TBC1D22A: variants seen among roughly 807,000 people sequenced by gnomAD.
TBC1D22A encodes TBC1 domain family member 22A, also known as putative GTPase activator.
A neutral mutation model predicts 60.2 loss-of-function variants in TBC1D22A; 38 were observed. That is an observed-to-expected ratio of 0.63 (90% CI 0.49 to 0.83). TBC1D22A has a LOEUF of 0.83. Ranked by LOEUF, TBC1D22A falls within the 40% of genes least tolerant of loss-of-function variation. The pLI is 0.00. For missense variants in TBC1D22A, 628 were observed against 701.0 expected, an observed-to-expected ratio of 0.90 and a Z score of 1.18; for synonymous variants, 302 against 281.7, an observed-to-expected ratio of 1.07 and a Z score of -0.72.
chr22:46,792,390 C>T (rs2084451213), intron 1 of TBC1D22A, 130 bp from the exon 2 acceptor site: 15 of 1,286,718 alleles, frequency 1.2e-5, no homozygotes, highest in Non-Finnish European at 1.5e-5. Context: ...GGGGGGCCTG[C>T]GACAGCCCAT....
chr22:46,888,625 A>G (rs753153284), intron 5 of TBC1D22A, among the ~76,000 whole-genome samples: 26 of 152,242 alleles, frequency 1.7e-4, no homozygotes, highest in Non-Finnish European at 3.7e-4. Flanking sequence ...TCATGGGAGA[A>G]GTGACCACTG....
chr22:46,992,527 G>C (rs1337365595), intron 9 of TBC1D22A, among the ~76,000 whole-genome samples: 3 of 152,244 alleles, frequency 2.0e-5, no homozygotes, highest in Non-Finnish European at 4.4e-5. Context: ...CACATTCTAG[G>C]CACCGGCCGG....
intron 4 of TBC1D22A, among the ~76,000 whole-genome samples, chr22:46,848,147 C>A (rs1054670638): frequency 6.6e-6 from 1 of 152,204 alleles, no homozygotes; most frequent in Non-Finnish European, 1.5e-5. Flanking sequence ...TCATTAAGAG[C>A]GGCTTTAAAG....
At chr22:47,127,568 G>A (rs2066509895) in intron 12 of TBC1D22A, among the ~76,000 whole-genome samples, 1 of 152,048 alleles carries the variant, frequency 6.6e-6, no homozygotes, top group South Asian at 2.1e-4. Context: ...TTTCATTATT[G>A]CAGCGAGAGT....
intron 11 of TBC1D22A, among the ~76,000 whole-genome samples, chr22:47,061,156 T>C (rs936006202): frequency 6.7e-6 from 1 of 148,516 alleles, no homozygotes; most frequent in Non-Finnish European, 1.5e-5. Context: ...TCTTCCTCGG[T>C]GCCCTCACCA....
intron 9 of TBC1D22A, among the ~76,000 whole-genome samples, chr22:46,996,170 G>A (rs535779049): frequency 2.0e-5 from 3 of 152,230 alleles, no homozygotes; most frequent in Non-Finnish European, 4.4e-5. Flanking sequence ...CTGGTGGCCC[G>A]AGCCCACTTG....
chr22:47,113,194 C>T (rs1432569641), intron 12 of TBC1D22A, among the ~76,000 whole-genome samples: 1 of 152,208 alleles, frequency 6.6e-6, no homozygotes, highest in Admixed American at 6.5e-5. Context: ...TGCTTGGTTC[C>T]CACCGGCCAG....
intron 9 of TBC1D22A, among the ~76,000 whole-genome samples, chr22:46,989,351 C>CA (rs58999089): frequency 0.052 from 7,644 of 145,646 alleles, 454 homozygotes; most frequent in African/African-American, 0.16. Context: ...GGCTGTTTGG[C>CA]AAAAAAAAAA....
chr22:47,163,317 C>T (rs955308724), intron 12 of TBC1D22A, among the ~76,000 whole-genome samples: 4 of 152,262 alleles, frequency 2.6e-5, no homozygotes, highest in African/African-American at 4.8e-5. Flanking sequence ...CTCATCCTCT[C>T]TGGGGACCCC....
intron 7 of TBC1D22A, among the ~76,000 whole-genome samples, chr22:46,906,474 G>A (rs1377592070): frequency 2.6e-5 from 4 of 152,210 alleles, no homozygotes; most frequent in Non-Finnish European, 5.9e-5. Context: ...CTTGCAGGCA[G>A]CACATCCCTC....
intron 8 of TBC1D22A, among the ~76,000 whole-genome samples, chr22:46,945,927 A>T (rs150089780): frequency 6.6e-6 from 1 of 152,180 alleles, no homozygotes; most frequent in African/African-American, 2.4e-5. Flanking sequence ...TTTCTACTCA[A>T]TGCTGCAGAA....
At chr22:47,064,462 T>A (rs947569399) in intron 11 of TBC1D22A, among the ~76,000 whole-genome samples, 4 of 152,278 alleles carry the variant, frequency 2.6e-5, no homozygotes, top group Admixed American at 6.5e-5. Context: ...GTCTGATCCA[T>A]TTACCTGATG....
Position 46,950,720 on chromosome 22 carries a change from C to T in TBC1D22A, c.1016-23570C>T, listed in dbSNP as rs183104192. On this transcript the variant is annotated intron_variant, in intron 8 of 12. Transcript: ENST00000337137. The stretch of plus-strand genomic sequence containing the variant: ...ATTCACGGTAGATGTGCGCGAATGA[C>T]GGGTGAGTGTGGAGGAGAATCTGAA... Among the ~76,000 whole-genome samples, 59 of 152,244 alleles carry T rather than the reference C, an allele frequency of 3.9e-4. 1 individual carries two copies. The East Asian group carries it at 6.4e-3, about 16-fold the overall frequency.
rs1447990718 is a variant in TBC1D22A at position 47,133,892 on chromosome 22, CTCTCTCTCTCTCCAT to C, written c.1425+22292_1425+22306del. 2.6e-5 allele frequency among the ~76,000 whole-genome samples: 4 copies of C among 152,348 alleles called. No homozygotes were observed. In the East Asian group the frequency reaches 7.7e-4, roughly 29 times the overall value. On this transcript the variant is annotated intron_variant, in intron 12 of 12. Coordinates refer to ENST00000337137, the MANE Select transcript of TBC1D22A (RefSeq NM_014346.5). The stretch of plus-strand genomic sequence containing the variant: ...AAACATCCTTCCGTGGGCTGTCTCT[CTCTCTCTCTCTCCAT>C]TCCTTCCAGAGTAGAAATTCTCTTG...
chr22:46,773,241 C>T (rs536664345), intron 1 of TBC1D22A, among the ~76,000 whole-genome samples: 5 of 152,312 alleles, frequency 3.3e-5, no homozygotes, highest in African/African-American at 9.6e-5. Context: ...AACAGGAGCC[C>T]GTGTCCTGTC....
chr22:47,125,728 T>G (rs780342855), intron 12 of TBC1D22A, among the ~76,000 whole-genome samples: 1 of 152,234 alleles, frequency 6.6e-6, no homozygotes, highest in Non-Finnish European at 1.5e-5. Context: ...TGGGCCACTC[T>G]GCAAGAACTT....
chr22:47,134,129 A>G (rs2066775883), intron 12 of TBC1D22A, among the ~76,000 whole-genome samples: 1 of 152,218 alleles, frequency 6.6e-6, no homozygotes, highest in Admixed American at 6.5e-5. Flanking sequence ...CTGCCTGTGA[A>G]TTAGTCTTGC....
chr22:46,795,975 C>T (rs984630771), intron 3 of TBC1D22A, among the ~76,000 whole-genome samples: 1 of 152,222 alleles, frequency 6.6e-6, no homozygotes, highest in Non-Finnish European at 1.5e-5. Flanking sequence ...ATGGTCCTCC[C>T]CTCTGCTCAG....
At chr22:47,022,822 G>A (rs980505475) in intron 10 of TBC1D22A, among the ~76,000 whole-genome samples, 27 of 152,280 alleles carry the variant, frequency 1.8e-4, no homozygotes, top group Admixed American at 8.5e-4. Flanking sequence ...AAACCTGAAC[G>A]AAATACTACT....
Sources: gnomAD v4.1 joint callset for allele counts (sites outside exome capture counted in the v4.1 genomes callset) on GRCh38, gnomAD v4.1.1 for gene constraint, MANE v1.5 for transcripts, NCBI Gene and HGNC (gene_info 2026-07-23, HGNC 2026-07-21) for gene names.